Variants in SORCS3 observed in about 807,000 individuals in gnomAD.
SORCS3 encodes VPS10 domain-containing receptor SorCS3.
SORCS3 carries 57 observed loss-of-function variants against 146.3 expected under a neutral mutation model. The ratio of observed to expected loss-of-function variants is 0.39; its 90% confidence interval spans 0.31 to 0.49. SORCS3 has a LOEUF of 0.49. Among genes scored for constraint, SORCS3 ranks in the 20% least tolerant of loss-of-function variants. The pLI is 0.92. For synonymous variants in SORCS3, 653 were observed against 618.5 expected (o/e 1.06, Z -0.83); for missense variants, 1,341 against 1,575.5 (o/e 0.85, Z 2.52).
Position 104,836,276 on chromosome 10 carries a change from G to A in SORCS3, c.628-6516G>A, listed in dbSNP as rs558646484. Among the ~76,000 whole-genome samples the A allele has an allele frequency of 7.2e-5, 11 of 152,254 alleles. No individual in the cohort carries two copies. The South Asian group carries it at 2.3e-3, about 32-fold the overall frequency. ...ACTTGGACTTGTTAGTTCCAATACGGATAATCTTGGAAGGCAGCAGGTTAA... is the reference window on the plus strand; with the variant it reads ...ACTTGGACTTGTTAGTTCCAATACGAATAATCTTGGAAGGCAGCAGGTTAA... On this transcript the variant is annotated intron_variant, in intron 1 of 26. Coordinates refer to ENST00000369701, the MANE Select transcript of SORCS3 (RefSeq NM_014978.3).
At chr10:105,230,750 A>T (rs546522916) in intron 20 of SORCS3, among the ~76,000 whole-genome samples, 1 of 152,282 alleles carries the variant, frequency 6.6e-6, no homozygotes, top group East Asian at 1.9e-4. Flanking sequence ...GGGGGATGTC[A>T]ACAGGGCTCC....
At chr10:105,061,764 C>T (rs2055489345) in intron 5 of SORCS3, among the ~76,000 whole-genome samples, 1 of 151,958 alleles carries the variant, frequency 6.6e-6, no homozygotes, top group African/African-American at 2.4e-5. Context: ...GCCTGTGATA[C>T]AGGTGCAGCA....
intron 2 of SORCS3, among the ~76,000 whole-genome samples, chr10:104,888,431 G>A (rs2018714502): frequency 6.6e-6 from 1 of 152,200 alleles, no homozygotes; most frequent in Non-Finnish European, 1.5e-5. Context: ...AAGTGGCCCA[G>A]TAGGAGAGTC....
intron 3 of SORCS3, among the ~76,000 whole-genome samples, chr10:104,961,245 A>G (rs2054793561): frequency 6.6e-6 from 1 of 152,166 alleles, no homozygotes; most frequent in Non-Finnish European, 1.5e-5. Context: ...AACTCGTTAG[A>G]TATTTCTGAA....
Position 105,262,465 on chromosome 10 carries a change from A to C in SORCS3, c.3578A>C (p.Asp1193Ala), listed in dbSNP as rs146732356. The change falls in exon 26 of 27, where the codon GAC (aspartate) becomes GCC (alanine). Residue 1193 changes from aspartate (D) to alanine (A), a missense_variant. Transcript: ENST00000369701. The part of the protein sequence containing the change: ...SDFTEPEELL[D>A]KELDTRVIGG... ...TTTACGGAGCCTGAGGAGCTGCTGG[A>C]CAAAGAGCTGGACACGCGGGTCATA... The C allele has an allele frequency of 2.5e-6, 4 of 1,613,824 alleles. No homozygotes were observed. Among genetic ancestry groups the C allele is most frequent in the Non-Finnish European group, 3.4e-6 (4 of 1,179,920 alleles).
At chr10:104,746,249 G>T (rs1409113142) in intron 1 of SORCS3, among the ~76,000 whole-genome samples, 1 of 151,352 alleles carries the variant, frequency 6.6e-6, no homozygotes, top group Non-Finnish European at 1.5e-5. Context: ...CCATTCTCCT[G>T]CCTCAGCCTC....
chr10:104,976,270 C>T (rs2054896812), intron 3 of SORCS3, among the ~76,000 whole-genome samples: 1 of 152,304 alleles, frequency 6.6e-6, no homozygotes, highest in South Asian at 2.1e-4. Context: ...AGACACTTCT[C>T]AAAAGGAGAC....
chr10:105,163,941 A>G (rs1048251130), intron 11 of SORCS3, among the ~76,000 whole-genome samples: 1 of 149,418 alleles, frequency 6.7e-6, no homozygotes, highest in African/African-American at 2.4e-5. Flanking sequence ...TCAGGCTCCT[A>G]TGCCAGATTT....
At chr10:104,870,291 A>G (rs894087207) in intron 2 of SORCS3, among the ~76,000 whole-genome samples, 1 of 152,216 alleles carries the variant, frequency 6.6e-6, no homozygotes. Flanking sequence ...GGAAAGAGAA[A>G]CACTGATCCA....
At chr10:104,806,201 G>C (rs2017678118) in intron 1 of SORCS3, among the ~76,000 whole-genome samples, 1 of 152,192 alleles carries the variant, frequency 6.6e-6, no homozygotes, top group African/African-American at 2.4e-5. Context: ...GGATATTCCT[G>C]ACTAACCTAT....
At chr10:105,003,900 C>T (rs1363543262) in intron 4 of SORCS3, among the ~76,000 whole-genome samples, 1 of 152,008 alleles carries the variant, frequency 6.6e-6, no homozygotes, top group African/African-American at 2.4e-5. Context: ...ATTTTTCATC[C>T]AGTCAGGGAA....
At chr10:105,130,004 T>C (rs572991277) in intron 7 of SORCS3, among the ~76,000 whole-genome samples, 1 of 152,276 alleles carries the variant, frequency 6.6e-6, no homozygotes, top group Admixed American at 6.5e-5. Flanking sequence ...AGAAGACCTC[T>C]AAGATGTTAG....
chr10:104,842,902 T>G (rs756990787), intron 2 of SORCS3, 43 bp downstream of exon 2: 1 of 1,517,588 alleles, frequency 6.6e-7, no homozygotes, highest in South Asian at 1.1e-5. Flanking sequence ...CTGGCTTGGC[T>G]CACATGAGAA....
intron 19 of SORCS3, among the ~76,000 whole-genome samples, chr10:105,220,828 G>A (rs1277760952): frequency 6.6e-6 from 1 of 151,992 alleles, no homozygotes; most frequent in Admixed American, 6.6e-5. Flanking sequence ...AGCAATGAAA[G>A]TATCCATTAT....
At chr10:104,900,027 C>A (rs2018834897) in intron 2 of SORCS3, among the ~76,000 whole-genome samples, 1 of 152,152 alleles carries the variant, frequency 6.6e-6, no homozygotes, top group Non-Finnish European at 1.5e-5. Context: ...CAGGAAACCA[C>A]ATCCTTGTTT....
chr10:105,116,433 G>A (rs2055893920), intron 7 of SORCS3, among the ~76,000 whole-genome samples: 2 of 152,192 alleles, frequency 1.3e-5, no homozygotes, highest in Non-Finnish European at 2.9e-5. Context: ...ATCAGTGCTG[G>A]TGGGAATGTA....
intron 7 of SORCS3, among the ~76,000 whole-genome samples, chr10:105,133,674 G>A (rs991479141): frequency 1.3e-5 from 2 of 152,156 alleles, no homozygotes; most frequent in South Asian, 4.1e-4. Context: ...AGATGCAGTG[G>A]CTCATATCTA....
chr10:104,661,124 A>G (rs1347030536), intron 1 of SORCS3, among the ~76,000 whole-genome samples: 1 of 152,180 alleles, frequency 6.6e-6, no homozygotes, highest in Non-Finnish European at 1.5e-5. Flanking sequence ...TCTGTTCTTT[A>G]CACAATTAAA....
chr10:105,139,347 G>C (rs749852191), intron 7 of SORCS3, 50 bp from the exon 8 acceptor site: 41 of 1,369,106 alleles, frequency 3.0e-5, no homozygotes, highest in Non-Finnish European at 4.2e-5. Flanking sequence ...TCCAACTTGT[G>C]CATGATCTGT....
Sources: allele counts gnomAD v4.1 joint callset (sites outside exome capture counted in the v4.1 genomes callset), GRCh38; gene constraint gnomAD v4.1.1; transcripts MANE v1.5; gene names NCBI Gene and HGNC (gene_info 2026-07-23, HGNC 2026-07-21).